CSMD1: variants seen among roughly 807,000 people sequenced by gnomAD.
CSMD1 encodes CUB and Sushi multiple domains 1.
A neutral mutation model predicts 417.5 loss-of-function variants in CSMD1; 213 were observed. The observed-to-expected ratio is 0.51, with a 90% CI of 0.46 to 0.57. The LOEUF (loss-of-function observed/expected upper bound fraction) is 0.57, where lower values mean the gene tolerates loss of function less well. Among genes scored for constraint, CSMD1 ranks in the 20% least tolerant of loss-of-function variants. CSMD1 has a pLI of 0.00. For synonymous variants in CSMD1, 2,862 were observed against 1,736.8 expected (o/e 1.65, Z -16.11); for missense variants, 6,923 against 4,529.7 (o/e 1.53, Z -15.17).
intron 26 of CSMD1, among the ~76,000 whole-genome samples, chr8:3,235,858 C>A (rs148320021): frequency 8.2e-4 from 123 of 150,440 alleles, no homozygotes; most frequent in African/African-American, 2.9e-3. Context: ...GTCTAATAAA[C>A]AGAAATACTG....
chr8:4,031,577 A>T (rs1007965098), intron 4 of CSMD1, among the ~76,000 whole-genome samples: 19 of 152,192 alleles, frequency 1.2e-4, no homozygotes, highest in Non-Finnish European at 2.5e-4. Context: ...GGACAGAGCT[A>T]AATCATATCA....
chr8:2,947,298 G>T (rs1408723655), intron 68 of CSMD1, among the ~76,000 whole-genome samples: 1 of 152,016 alleles, frequency 6.6e-6, no homozygotes, highest in Non-Finnish European at 1.5e-5. Context: ...TGACAATCAC[G>T]TTTTTTGGTT....
intron 54 of CSMD1, among the ~76,000 whole-genome samples, chr8:2,983,232 G>A (rs566151792): frequency 6.6e-6 from 1 of 151,638 alleles, no homozygotes; most frequent in Non-Finnish European, 1.5e-5. Flanking sequence ...TGTCTCCCAT[G>A]CTGGAGTGCA....
intron 1 of CSMD1, among the ~76,000 whole-genome samples, chr8:4,935,022 G>A (rs1215965013): frequency 1.3e-5 from 2 of 152,002 alleles, no homozygotes; most frequent in Non-Finnish European, 2.9e-5. Context: ...TATCTATCTA[G>A]AACTTAAGGA....
intron 2 of CSMD1, among the ~76,000 whole-genome samples, chr8:4,471,259 A>G (rs1800513648): frequency 6.6e-6 from 1 of 152,216 alleles, no homozygotes; most frequent in South Asian, 2.1e-4. Context: ...TCCTACTTAA[A>G]AAAATCAGGA....
chr8:4,934,007 TAA>T (rs1004757937), intron 1 of CSMD1, among the ~76,000 whole-genome samples: 200 of 150,728 alleles, frequency 1.3e-3, no homozygotes, highest in Middle Eastern at 3.5e-3. Context: ...GCTTTTTTTT[TAA>T]AAAAAAATGA....
At chr8:3,506,309 G>A (rs112878474) in intron 10 of CSMD1, among the ~76,000 whole-genome samples, 1,803 of 152,230 alleles carry the variant, frequency 0.012, 32 homozygotes, top group African/African-American at 0.04. Context: ...CCTACTACCC[G>A]CTATTTCTAG....
chr8:4,870,637 C>G (rs73503875), intron 1 of CSMD1, among the ~76,000 whole-genome samples: 1 of 152,034 alleles, frequency 6.6e-6, no homozygotes, highest in Non-Finnish European at 1.5e-5. Flanking sequence ...AATCCCAGCG[C>G]ACCACGAGTG....
chr8:4,214,573 C>T (rs1320872731), intron 3 of CSMD1, among the ~76,000 whole-genome samples: 4 of 152,282 alleles, frequency 2.6e-5, no homozygotes, highest in South Asian at 4.1e-4. Context: ...GCTGGAATTA[C>T]AGGCATGAGC....
chr8:3,598,198 A>T (rs1318556419), intron 8 of CSMD1: 4 of 152,224 alleles, frequency 2.6e-5, no homozygotes, highest in African/African-American at 9.6e-5. Context: ...ATCAGAAAAG[A>T]GGGTGTCTAG....
intron 2 of CSMD1, among the ~76,000 whole-genome samples, chr8:4,464,450 T>C (rs112873363): frequency 2.0e-5 from 3 of 152,314 alleles, no homozygotes; most frequent in African/African-American, 7.2e-5. Context: ...AACACGCACA[T>C]TAGCCTACAG....
At chr8:3,990,460 G>C (rs1814659424) in intron 5 of CSMD1, among the ~76,000 whole-genome samples, 1 of 152,062 alleles carries the variant, frequency 6.6e-6, no homozygotes, top group South Asian at 2.1e-4. Flanking sequence ...TAGAGACCAG[G>C]GATGTTTTCT....
chr8:3,735,490 G>T (rs1364022126), intron 6 of CSMD1, among the ~76,000 whole-genome samples: 2 of 152,202 alleles, frequency 1.3e-5, no homozygotes, highest in Non-Finnish European at 2.9e-5. Context: ...ATATATTCAT[G>T]TTTCCCTGTG....
At chr8:3,943,545 C>G (rs769997840) in intron 5 of CSMD1, among the ~76,000 whole-genome samples, 9 of 151,288 alleles carry the variant, frequency 5.9e-5, no homozygotes, top group Admixed American at 1.3e-4. Flanking sequence ...CAAAGAATCT[C>G]TCAAAAAATA....
chr8:4,299,224 C>G (rs1302601050), intron 3 of CSMD1, among the ~76,000 whole-genome samples: 3 of 152,090 alleles, frequency 2.0e-5, no homozygotes, highest in Admixed American at 2.0e-4. Context: ...TGTAAGTCAT[C>G]AGAATAAAAT....
At chr8:3,218,422 G>A (rs1468606299) in intron 29 of CSMD1, among the ~76,000 whole-genome samples, 3 of 151,814 alleles carry the variant, frequency 2.0e-5, no homozygotes, top group East Asian at 1.9e-4. Flanking sequence ...TCAGCCGGGC[G>A]TGGTGGCAGC....
intron 2 of CSMD1, among the ~76,000 whole-genome samples, chr8:4,423,340 C>CTAA (rs1171003302): frequency 6.6e-6 from 1 of 151,948 alleles, no homozygotes; most frequent in African/African-American, 2.4e-5. Context: ...ATTTGTAGAG[C>CTAA]TAATACTTGA....
At chr8:3,886,428 G>C (rs530507118) in intron 5 of CSMD1, among the ~76,000 whole-genome samples, 1 of 152,146 alleles carries the variant, frequency 6.6e-6, no homozygotes. Context: ...GAATGTAATC[G>C]ATTTAACATA....
At chr8:3,509,939 G>A (rs892047463) in intron 10 of CSMD1, among the ~76,000 whole-genome samples, 1 of 152,114 alleles carries the variant, frequency 6.6e-6, no homozygotes, top group Non-Finnish European at 1.5e-5. Flanking sequence ...TGGCATTTCA[G>A]CCTCTCCCAT....
Sources: gnomAD v4.1 joint callset for allele counts (sites outside exome capture counted in the v4.1 genomes callset) on GRCh38, gnomAD v4.1.1 for gene constraint, MANE v1.5 for transcripts, NCBI Gene and HGNC (gene_info 2026-07-23, HGNC 2026-07-21) for gene names.